The following PPP2R2C variants were observed in gnomAD, a reference collection of about 807,000 sequenced individuals.
PPP2R2C encodes the protein protein phosphatase 2 regulatory subunit Bgamma, also known as protein phosphatase 2, regulatory subunit B, gamma.
Under a neutral mutation model 45.3 loss-of-function variants are expected in PPP2R2C, and 10 were observed. The ratio of observed to expected loss-of-function variants is 0.22; its 90% CI spans 0.14 to 0.37. The LOEUF is 0.37. Among genes scored for constraint, PPP2R2C ranks in the 10% least tolerant of loss-of-function variants. The pLI is 1.00. For synonymous variants in PPP2R2C, 257 were observed against 245.4 expected, an observed-to-expected ratio of 1.05 and a Z score of -0.44; for missense variants, 308 against 619.7, an observed-to-expected ratio of 0.50 and a Z score of 5.34.
intron 1 of PPP2R2C, among the ~76,000 whole-genome samples, chr4:6,561,405 G>A (rs979700814): frequency 2.6e-5 from 4 of 152,060 alleles, no homozygotes; most frequent in African/African-American, 9.7e-5. Flanking sequence ...TTTGAACACA[G>A]GGCCCTGCAT....
intron 3 of PPP2R2C, among the ~76,000 whole-genome samples, chr4:6,377,941 C>T (rs563867006): frequency 1.3e-5 from 2 of 152,288 alleles, no homozygotes; most frequent in Middle Eastern, 3.4e-3. Flanking sequence ...CCCACTGCCC[C>T]GCAAGGCCGC....
At chr4:6,510,980 CAA>C (rs752037080) in intron 2 of PPP2R2C, among the ~76,000 whole-genome samples, 1 of 41,354 alleles carries the variant, frequency 2.4e-5, no homozygotes. Context: ...CCGTCTCAAA[CAA>C]AAAAAAACAA....
intron 6 of PPP2R2C, among the ~76,000 whole-genome samples, chr4:6,336,270 C>T (rs910828638): frequency 3.3e-5 from 5 of 152,040 alleles, no homozygotes; most frequent in South Asian, 2.1e-4. Flanking sequence ...TTCACAGGGG[C>T]GCCCTTCTCA....
intron 2 of PPP2R2C, among the ~76,000 whole-genome samples, chr4:6,528,882 T>G (rs1340002030): frequency 2.6e-5 from 4 of 152,148 alleles, no homozygotes; most frequent in East Asian, 1.9e-4. Context: ...ACCCAAATCT[T>G]ATAAAACGGC....
chr4:6,346,215 T>C (rs1231828227), intron 6 of PPP2R2C, among the ~76,000 whole-genome samples: 1 of 152,012 alleles, frequency 6.6e-6, no homozygotes, highest in Non-Finnish European at 1.5e-5. Context: ...CTCTGCGGCG[T>C]CTCCTCTTCC....
chr4:6,455,775 T>G (rs2108751343), intron 1 of PPP2R2C, among the ~76,000 whole-genome samples: 1 of 152,280 alleles, frequency 6.6e-6, no homozygotes, highest in Non-Finnish European at 1.5e-5. Context: ...CCACCAACCC[T>G]GAACACACCA....
chr4:6,370,825 C>T (rs1015312926), intron 5 of PPP2R2C, among the ~76,000 whole-genome samples: 3 of 152,192 alleles, frequency 2.0e-5, no homozygotes, highest in African/African-American at 4.8e-5. Flanking sequence ...TGGTGGGGCC[C>T]GATGTCCTTT....
chr4:6,562,478 G>A (rs983054356), intron 1 of PPP2R2C, among the ~76,000 whole-genome samples: 1 of 151,236 alleles, frequency 6.6e-6, no homozygotes, highest in Non-Finnish European at 1.5e-5. Context: ...CGGGGGGGGG[G>A]GTTGGATATT....
intron 6 of PPP2R2C, among the ~76,000 whole-genome samples, chr4:6,339,772 T>G (rs767989389): frequency 2.0e-4 from 30 of 152,240 alleles, no homozygotes; most frequent in Non-Finnish European, 3.7e-4. Flanking sequence ...TCCTGGGCAG[T>G]GATCGCCCCT....
upstream of PPP2R2C, chr4:6,563,708 G>A (rs1271072990): frequency 6.9e-6 from 1 of 145,554 alleles, no homozygotes; most frequent in African/African-American, 2.5e-5. This position sits in a 1 kb window ranked among gnomAD's most constrained non-coding sequence, Gnocchi z 5.8. Flanking sequence ...CGGGGGGCGG[G>A]GGGCGGGGGC....
intron 1 of PPP2R2C, among the ~76,000 whole-genome samples, chr4:6,559,000 A>C (rs1725496324): frequency 6.6e-6 from 1 of 152,220 alleles, no homozygotes; most frequent in African/African-American, 2.4e-5. Context: ...AGTGCACAGG[A>C]AAGACAGCAA....
At chr4:6,495,131 G>A (rs567173436) in intron 2 of PPP2R2C, among the ~76,000 whole-genome samples, 40 of 152,350 alleles carry the variant, frequency 2.6e-4, no homozygotes, top group Admixed American at 5.2e-4. Flanking sequence ...GGGCTACGTG[G>A]CCTCCACAGC....
intron 1 of PPP2R2C, 94 bp downstream of exon 1, chr4:6,472,066 A>C: frequency 6.7e-7 from 1 of 1,489,158 alleles, no homozygotes; most frequent in South Asian, 1.1e-5. Context: ...GACACGACAC[A>C]CATCGCGCGG....
intron 1 of PPP2R2C, among the ~76,000 whole-genome samples, chr4:6,406,788 A>C (rs955208077): frequency 1.3e-5 from 2 of 152,164 alleles, no homozygotes; most frequent in African/African-American, 4.8e-5. Context: ...ATAAAATAAA[A>C]TAAAAAACAA....
chr4:6,323,617 A>T, intron 8 of PPP2R2C, 24 bp from the exon 9 acceptor site: 1 of 1,521,508 alleles, frequency 6.6e-7, no homozygotes, highest in East Asian at 2.3e-5. Context: ...GAGAGGCATC[A>T]GGTGAGGAGG....
At chr4:6,387,815 A>AAC (rs1716328355) in intron 1 of PPP2R2C, among the ~76,000 whole-genome samples, 1 of 151,680 alleles carries the variant, frequency 6.6e-6, no homozygotes, top group South Asian at 2.1e-4. Context: ...AAGAAAAAAA[A>AAC]AAAAGAGTGA....
intron 1 of PPP2R2C, among the ~76,000 whole-genome samples, chr4:6,541,179 CA>C (rs1724793245): frequency 6.6e-6 from 1 of 152,098 alleles, no homozygotes; most frequent in African/African-American, 2.4e-5. Flanking sequence ...GTCCCATGGC[CA>C]CCTCTGCTGA....
chr4:6,472,905 G>C (rs957251870), upstream of PPP2R2C, among the ~76,000 whole-genome samples: 1 of 152,080 alleles, frequency 6.6e-6, no homozygotes, highest in Non-Finnish European at 1.5e-5. Context: ...TGCTGGGAAG[G>C]GGGCAGGAGG....
intron 1 of PPP2R2C, chr4:6,383,480 A>G (rs1716004020): frequency 7.9e-7 from 1 of 1,260,074 alleles, no homozygotes; most frequent in Admixed American, 2.3e-5. Flanking sequence ...CCCTTTCCCA[A>G]AAGTCCTGGC....
Sources: allele counts gnomAD v4.1 joint callset (sites outside exome capture counted in the v4.1 genomes callset), GRCh38; gene constraint gnomAD v4.1.1; non-coding constraint Gnocchi (gnomAD v3.1); transcripts MANE v1.5; gene names NCBI Gene and HGNC (gene_info 2026-07-23, HGNC 2026-07-21).